The following EXTL3 variants were observed in gnomAD, a reference collection of about 807,000 sequenced individuals.
EXTL3 encodes exostosin like glycosyltransferase 3, also known as exostosin-like 3.
EXTL3 carries 27 observed loss-of-function variants against 69.3 expected under a neutral mutation model. The observed-to-expected ratio is 0.39, with a 90% CI of 0.29 to 0.54. The LOEUF (loss-of-function observed/expected upper bound fraction) is 0.54, where lower values mean the gene tolerates loss of function less well. Among genes scored for constraint, EXTL3 ranks in the 20% least tolerant of loss-of-function variants. The pLI, the probability that EXTL3 is intolerant of heterozygous loss-of-function variation, is 0.69. For synonymous variants in EXTL3, 511 were observed against 499.4 expected (o/e 1.02, Z -0.31); for missense variants, 1,003 against 1,231.8 (o/e 0.81, Z 2.78).
At chr8:28,612,056 G>A (rs534580122) in intron 2 of EXTL3, among the ~76,000 whole-genome samples, 4 of 152,330 alleles carry the variant, frequency 2.6e-5, no homozygotes, top group East Asian at 1.9e-4. Context: ...GCTTAGTGGC[G>A]TGATGTTTGT....
intron 2 of EXTL3, among the ~76,000 whole-genome samples, chr8:28,616,754 G>A (rs565691830): frequency 6.6e-6 from 1 of 152,336 alleles, no homozygotes; most frequent in South Asian, 2.1e-4. Flanking sequence ...TATAGATTTG[G>A]GTGTGGAGAG....
intron 1 of EXTL3, among the ~76,000 whole-genome samples, chr8:28,644,979 G>T (rs1806805774): frequency 6.6e-6 from 1 of 152,100 alleles, no homozygotes; most frequent in Non-Finnish European, 1.5e-5. Flanking sequence ...TATTGGTCAG[G>T]CCAACTAGTC....
At chr8:28,688,060 CTTTT>C (rs149041444) in intron 1 of EXTL3, among the ~76,000 whole-genome samples, 3 of 131,934 alleles carry the variant, frequency 2.3e-5, no homozygotes, top group Admixed American at 7.7e-5. Context: ...GAAGAGATGA[CTTTT>C]TTTTTTTTTT....
Position 28,750,527 on chromosome 8 carries a change from C to A in EXTL3, c.2551-130C>A. On this transcript the variant is annotated intron_variant, in intron 6 of 6. Transcript: ENST00000220562. The surrounding 1 kb of genome is among the most constrained non-coding windows in gnomAD (Gnocchi z 5.2). ...GCCGGGCTCTGGTTCCTGCCATGCT[C>A]TGCAGGGATGTTGCCCCTGAGGGGA... 7 of 772,588 alleles carry A rather than the reference C, an allele frequency of 9.1e-6. No homozygotes were observed. The highest frequency in any genetic ancestry group is 5.8e-5 in the South Asian group (4 of 69,260). 47.9% of individuals were successfully genotyped at this position (772,588 alleles called of 1,614,324 possible). A position where few individuals can be genotyped will look rare whatever the true frequency, so the allele number is the denominator to read the frequency against.
chr8:28,703,377 C>T (rs1176213519), intron 1 of EXTL3, among the ~76,000 whole-genome samples: 2 of 151,952 alleles, frequency 1.3e-5, no homozygotes, highest in Non-Finnish European at 2.9e-5. Context: ...GTTTTGACCT[C>T]GGAGTAAAAA....
At chr8:28,708,413 C>G (rs1012493144) in intron 1 of EXTL3, among the ~76,000 whole-genome samples, 1 of 146,650 alleles carries the variant, frequency 6.8e-6, no homozygotes, top group Admixed American at 6.8e-5. Flanking sequence ...CAATTAGTTT[C>G]CCTGGGAAGT....
chr8:28,632,070 C>G (rs116211757), intron 1 of EXTL3, among the ~76,000 whole-genome samples: 1 of 148,292 alleles, frequency 6.7e-6, no homozygotes, highest in Non-Finnish European at 1.5e-5. Context: ...TCCGGCCTGG[C>G]GACAGAGTGA....
rs1458123489 is a variant in EXTL3, at chr8:28,755,433, T to C, written c.*4567T>C. On this transcript the variant is annotated 3_prime_UTR_variant, in exon 7 of 7. Coordinates refer to ENST00000220562, the MANE Select transcript of EXTL3 (RefSeq NM_001440.4). ...CAGCTTAGGCAAATTGTTTTACCTT[T>C]CTTCATCTGTCTTGACGTTTATGAA... 1 of 152,276 alleles carries C rather than the reference T, an allele frequency of 6.6e-6. No individual in the cohort carries two copies. Among genetic ancestry groups the C allele is most frequent in the Non-Finnish European group, 1.5e-5 (1 of 68,050 alleles). The allele number at this position is 152,276 out of a possible 1,614,324, so 9.4% of individuals were successfully genotyped here.
chr8:28,706,882 T>C (rs1380801250), intron 1 of EXTL3, among the ~76,000 whole-genome samples: 3 of 152,170 alleles, frequency 2.0e-5, no homozygotes, highest in Admixed American at 6.5e-5. Flanking sequence ...TTGATTCTTA[T>C]ATAGTCAAAC....
chr8:28,750,732 C>T lies in EXTL3; in HGVS notation c.2626C>T (p.Arg876Trp), dbSNP rs1489070779. 3.1e-6 allele frequency: 5 copies of T among 1,614,196 alleles called. No homozygotes were observed. Among genetic ancestry groups the T allele is most frequent in the Non-Finnish European group, 4.2e-6 (5 of 1,180,010 alleles). ...TCATGATGACTCCCACTTCCACGAG[C>T]GGCACAAGTGCATCAACTTCTTCGT... is the stretch of plus-strand genomic sequence containing the variant. ...LSHDDSHFHE[R>W]HKCINFFVKV... The change falls in exon 7 of 7, where the codon CGG becomes TGG. Residue 876 changes from arginine to tryptophan, a missense_variant. By Grantham distance (101) the Arg-to-Trp change is moderately radical (BLOSUM62 -3). Around this residue, in one of 2 missense-constraint regions of EXTL3, gnomAD observed 261 missense variants for 416.4 expected, o/e 0.63. Transcript: ENST00000220562. The surrounding 1 kb of genome is among the most constrained non-coding windows in gnomAD (Gnocchi z 5.2).
intron 1 of EXTL3, among the ~76,000 whole-genome samples, chr8:28,666,423 G>A (rs771471298): frequency 5.3e-5 from 8 of 151,832 alleles, no homozygotes; most frequent in Admixed American, 2.6e-4. Context: ...GACCATGGGC[G>A]TGTACCACCA....
At chr8:28,641,593 C>T (rs1806743189) in intron 1 of EXTL3, among the ~76,000 whole-genome samples, 1 of 152,100 alleles carries the variant, frequency 6.6e-6, no homozygotes, top group South Asian at 2.1e-4. Context: ...TCTCCGGCCT[C>T]AGCCTCCGGA....
At chr8:28,631,511 A>G (rs1806569929) in intron 1 of EXTL3, 1 of 152,216 alleles carries the variant, frequency 6.6e-6, no homozygotes, top group Admixed American at 6.6e-5. Flanking sequence ...ATAAGAGCTA[A>G]GTGGTCCAAC....
chr8:28,622,453 T>G (rs1010098231), upstream of EXTL3, among the ~76,000 whole-genome samples: 1 of 152,092 alleles, frequency 6.6e-6, no homozygotes, highest in African/African-American at 2.4e-5. Flanking sequence ...CTCTGGGGCC[T>G]GCACGACAGT....
At chr8:28,666,162 G>C (rs1019778680) in intron 1 of EXTL3, among the ~76,000 whole-genome samples, 1 of 152,152 alleles carries the variant, frequency 6.6e-6, no homozygotes, top group Non-Finnish European at 1.5e-5. Flanking sequence ...ATTTCAATGG[G>C]TCCTTGAATG....
Position 28,717,559 on chromosome 8 carries a change from C to T in EXTL3, c.1500C>T (p.Leu500=). Reference sequence around the variant, plus strand: ...AGGTTCATTTCCTGCTCAGAAGCCTCTCCGATAGTGACCTCCTGGCTATGA... The same window carrying T: ...AGGTTCATTTCCTGCTCAGAAGCCTTTCCGATAGTGACCTCCTGGCTATGA... ...VTEVHFLLRS[L]SDSDLLAMRR... is the part of the protein sequence containing the mutation. Residue 500 remains leucine (L), a synonymous_variant, in exon 3 of 7, where the codon CTC becomes CTT. Transcript: ENST00000220562. The surrounding 1 kb of genome is among the most constrained non-coding windows in gnomAD (Gnocchi z 8.3). 1 of 1,614,266 alleles carries T rather than the reference C, an allele frequency of 6.2e-7. No individual in the cohort carries two copies. The highest frequency in any genetic ancestry group is 8.5e-7 in the Non-Finnish European group (1 of 1,180,044).
At chr8:28,651,897 C>T (rs1469495704) in intron 1 of EXTL3, among the ~76,000 whole-genome samples, 4 of 152,228 alleles carry the variant, frequency 2.6e-5, no homozygotes, top group Non-Finnish European at 1.5e-5. Flanking sequence ...ATTTGCGTCT[C>T]TTCCTATATG....
At chr8:28,657,500 G>T (rs1807030769) in intron 1 of EXTL3, among the ~76,000 whole-genome samples, 1 of 152,118 alleles carries the variant, frequency 6.6e-6, no homozygotes, top group African/African-American at 2.4e-5. Context: ...TTTTTTTATT[G>T]TAATATTTTA....
At chr8:28,621,527 A>G (rs189216825), upstream of EXTL3, among the ~76,000 whole-genome samples, 276 of 152,304 alleles carry the variant, frequency 1.8e-3, 2 homozygotes, top group African/African-American at 6.3e-3. Context: ...TAGCTAACCA[A>G]TACACTCCCT....
Sources: allele counts gnomAD v4.1 joint callset (sites outside exome capture counted in the v4.1 genomes callset), GRCh38; gene constraint gnomAD v4.1.1; regional missense constraint gnomAD v4.1.1; non-coding constraint Gnocchi (gnomAD v3.1); transcripts MANE v1.5; gene names NCBI Gene and HGNC (gene_info 2026-07-23, HGNC 2026-07-21).